Variants in TUBA1C observed in about 807,000 individuals in gnomAD.
TUBA1C encodes the protein tubulin alpha-1C chain.
TUBA1C carries 16 observed loss-of-function variants against 34.9 expected under a neutral mutation model. The ratio of observed to expected loss-of-function variants is 0.46; its 90% CI spans 0.31 to 0.70. The LOEUF (loss-of-function observed/expected upper bound fraction) is 0.70, where lower values mean the gene tolerates loss of function less well. TUBA1C is among the 30% of genes least tolerant of loss of function. The pLI is 0.05. For missense variants in TUBA1C, 329 were observed against 587.3 expected, an observed-to-expected ratio of 0.56 and a Z score of 4.55; for synonymous variants, 177 against 215.9, an observed-to-expected ratio of 0.82 and a Z score of 1.58.
At chr12:49,248,373 C>T (rs1163563244) in intron 1 of TUBA1C, among the ~76,000 whole-genome samples, 1 of 151,952 alleles carries the variant, frequency 6.6e-6, no homozygotes, top group Non-Finnish European at 1.5e-5. Flanking sequence ...AGTTCAAAAC[C>T]AGCCTGGCCA....
chr12:49,261,733 G>GA (rs1207928627), upstream of TUBA1C, among the ~76,000 whole-genome samples: 2 of 151,730 alleles, frequency 1.3e-5, no homozygotes, highest in African/African-American at 4.8e-5. Context: ...GAGTTAGGCT[G>GA]AAAAAAAATA....
chr12:49,249,544 G>C (rs927660146), intron 1 of TUBA1C, among the ~76,000 whole-genome samples: 2 of 152,070 alleles, frequency 1.3e-5, no homozygotes, highest in African/African-American at 4.8e-5. Context: ...GAAAATCAAC[G>C]AACAAAAAGT....
At chr12:49,240,636 C>T (rs1421928338) in intron 1 of TUBA1C, among the ~76,000 whole-genome samples, 3 of 152,066 alleles carry the variant, frequency 2.0e-5, no homozygotes, top group South Asian at 4.1e-4. Context: ...CACCCATGCT[C>T]GAGTGCAGTG....
chr12:49,229,236 T>C (rs1274167732), intron 1 of TUBA1C, among the ~76,000 whole-genome samples: 1 of 152,128 alleles, frequency 6.6e-6, no homozygotes, highest in Non-Finnish European at 1.5e-5. Context: ...TGCAGTGGCA[T>C]AATCTCGGCT....
chr12:49,265,075 C>T, upstream of TUBA1C: 1 of 1,416,874 alleles, frequency 7.1e-7, no homozygotes, highest in Non-Finnish European at 9.4e-7. Context: ...GGGCCGGCCA[C>T]CCTTTCACTA....
chr12:49,242,141 C>T (rs1942624023), intron 1 of TUBA1C, among the ~76,000 whole-genome samples: 1 of 151,794 alleles, frequency 6.6e-6, no homozygotes, highest in Non-Finnish European at 1.5e-5. Flanking sequence ...AGGTGCCCGC[C>T]ACCACACCTG....
At chr12:49,243,490 C>A (rs978394609) in intron 1 of TUBA1C, among the ~76,000 whole-genome samples, 12 of 152,150 alleles carry the variant, frequency 7.9e-5, no homozygotes, top group Admixed American at 4.6e-4. Context: ...TCTTACTTGG[C>A]TCTCAGGAGC....
chr12:49,238,183 G>T (rs1419179880), intron 1 of TUBA1C, among the ~76,000 whole-genome samples: 1 of 152,072 alleles, frequency 6.6e-6, no homozygotes, highest in Non-Finnish European at 1.5e-5. Context: ...CGAAGTTATT[G>T]GGTATCGAAC....
intron 1 of TUBA1C, among the ~76,000 whole-genome samples, chr12:49,248,629 C>T (rs1481657517): frequency 2.7e-5 from 4 of 150,826 alleles, no homozygotes; most frequent in East Asian, 2.0e-4. Flanking sequence ...TTTGGGAGGC[C>T]GAGGCGGGCG....
intron 1 of TUBA1C, among the ~76,000 whole-genome samples, chr12:49,238,628 C>T (rs1433693958): frequency 2.0e-5 from 3 of 151,904 alleles, no homozygotes; most frequent in Non-Finnish European, 4.4e-5. Context: ...TTTTGTTTAC[C>T]GGTTTATTAC....
intron 1 of TUBA1C, among the ~76,000 whole-genome samples, chr12:49,231,980 A>G (rs1942502607): frequency 6.6e-6 from 1 of 152,184 alleles, no homozygotes. Flanking sequence ...ATCTATCCCT[A>G]AACGCTAATG....
chr12:49,241,995 T>C (rs555706510), intron 1 of TUBA1C, among the ~76,000 whole-genome samples: 3 of 150,088 alleles, frequency 2.0e-5, no homozygotes, highest in East Asian at 2.0e-4. Context: ...TTCTTTCTTT[T>C]TTTTTTTTTT....
At chr12:49,256,219 G>A (rs766218112) in intron 1 of TUBA1C, among the ~76,000 whole-genome samples, 41 of 152,258 alleles carry the variant, frequency 2.7e-4, no homozygotes, top group Non-Finnish European at 5.4e-4. Context: ...GAGCATCAGC[G>A]AAACAGGCTG....
chr12:49,267,598 C>T (rs1018563408), intron 1 of TUBA1C, among the ~76,000 whole-genome samples: 1 of 152,140 alleles, frequency 6.6e-6, no homozygotes. Context: ...GGCGGAGTTT[C>T]CACTGCACTC....
chr12:49,244,317 C>T (rs1006262901), intron 1 of TUBA1C, among the ~76,000 whole-genome samples: 14 of 152,110 alleles, frequency 9.2e-5, no homozygotes, highest in African/African-American at 2.7e-4. Context: ...TCTCCTTCTC[C>T]ATCTTTTACC....
intron 1 of TUBA1C, among the ~76,000 whole-genome samples, chr12:49,230,881 G>T (rs551711878): frequency 1.2e-4 from 19 of 152,214 alleles, no homozygotes; most frequent in African/African-American, 4.6e-4. Context: ...GTGTGACTTG[G>T]GTAATGTTTT....
At chr12:49,233,567 T>G (rs557181178) in intron 1 of TUBA1C, 13 of 152,174 alleles carry the variant, frequency 8.5e-5, no homozygotes, top group Non-Finnish European at 1.5e-4. Context: ...GTGTTTCTGG[T>G]GCTACCAGAC....
chr12:49,262,674 G>C (rs562238594), upstream of TUBA1C, among the ~76,000 whole-genome samples: 79 of 152,242 alleles, frequency 5.2e-4, no homozygotes, highest in Non-Finnish European at 1.5e-4. Context: ...CAGCTACTTG[G>C]GAGGCTGAGA....
intron 1 of TUBA1C, among the ~76,000 whole-genome samples, chr12:49,250,554 A>T (rs995245579): frequency 1.3e-5 from 2 of 151,720 alleles, no homozygotes; most frequent in Non-Finnish European, 1.5e-5. Flanking sequence ...GAAGACACAA[A>T]TTACCAGTAT....
Sources: gnomAD v4.1 joint callset for allele counts (sites outside exome capture counted in the v4.1 genomes callset) on GRCh38, gnomAD v4.1.1 for gene constraint, MANE v1.5 for transcripts, NCBI Gene and HGNC (gene_info 2026-07-23, HGNC 2026-07-21) for gene names.